The following KLK13 variants were observed in gnomAD, a reference collection of about 807,000 sequenced individuals.
KLK13 encodes kallikrein-13.
A neutral mutation model predicts 22.4 loss-of-function variants in KLK13; 19 were observed. The ratio of observed to expected loss-of-function variants is 0.85; its 90% CI spans 0.59 to 1.24. The LOEUF (loss-of-function observed/expected upper bound fraction) is 1.24, where lower values mean the gene tolerates loss of function less well. Among genes scored for constraint, KLK13 ranks in the 50% most tolerant of loss-of-function variants. The pLI is 0.00. For missense variants in KLK13, 311 were observed against 347.9 expected (o/e 0.89, Z 0.84); for synonymous variants, 156 against 141.8 (o/e 1.10, Z -0.71).
At chr19:51,064,487 C>CA (rs35554667) in intron 1 of KLK13, 14,260 of 156,770 alleles carry the variant, frequency 0.091, 626 homozygotes, top group African/African-American at 0.23. Context: ...GGTTCCATCT[C>CA]AAAAAAAAAA....
chr19:51,058,023 T>C (rs559963333), intron 4 of KLK13, among the ~76,000 whole-genome samples: 1 of 152,298 alleles, frequency 6.6e-6, no homozygotes, highest in Middle Eastern at 3.4e-3. Flanking sequence ...AAAGAGAGGT[T>C]CTCTTTCTAA....
chr19:51,064,986 C>T (rs2091768338), intron 1 of KLK13, 30 bp downstream of exon 1: 2 of 1,546,410 alleles, frequency 1.3e-6, no homozygotes, highest in African/African-American at 1.4e-5. Flanking sequence ...CCCGAATGGC[C>T]GCCGCGCCTC....
intron 2 of KLK13, 25 bp downstream of exon 2, chr19:51,060,408 C>T (rs377523718): frequency 1.9e-6 from 3 of 1,549,016 alleles, no homozygotes; most frequent in African/African-American, 1.4e-5. Context: ...CATCCCTACC[C>T]CATGCTCCCC....
At chr19:51,058,804 G>A in intron 3 of KLK13, 130 bp from the exon 4 acceptor site, 1 of 889,340 alleles carries the variant, frequency 1.1e-6, no homozygotes. Context: ...TGGGAGAAGA[G>A]ATGAGCACCT....
At chr19:51,060,192 C>G in intron 2 of KLK13, 99 bp from the exon 3 acceptor site, 1 of 1,427,944 alleles carries the variant, frequency 7.0e-7, no homozygotes. Flanking sequence ...AACTTCTTCT[C>G]CATCCTACCT....
upstream of KLK13, among the ~76,000 whole-genome samples, chr19:51,065,585 T>C (rs1314451919): frequency 6.6e-6 from 1 of 151,350 alleles, no homozygotes; most frequent in African/African-American, 2.4e-5. Context: ...TCCCCTCTTC[T>C]CTCCCCTCCC....
At chr19:51,058,425 C>T in intron 4 of KLK13, 113 bp downstream of exon 4, 1 of 1,267,796 alleles carries the variant, frequency 7.9e-7, no homozygotes. Context: ...GACATTGTAT[C>T]TTATAAAGAT....
At position 51,061,813 on chromosome 19, in the gene KLK13, C is replaced by A. The variant is rs567002521; in HGVS notation, c.53-1194G>T. Among the ~76,000 whole-genome samples, 4 of 152,362 alleles carry A rather than the reference C, an allele frequency of 2.6e-5. No homozygotes were observed. The South Asian group carries it at 8.3e-4, about 32-fold the overall frequency. On this transcript the variant is annotated intron_variant, in intron 1 of 4. Coordinates refer to ENST00000595793, the MANE Select transcript of KLK13 (RefSeq NM_015596.3). Reference sequence around the variant, plus strand: ...ATCCAAAAAGCCTTCCCAAGGTGTGCAGGACTCTGTGCTGTCTGGCCCTTG... The same window carrying A: ...ATCCAAAAAGCCTTCCCAAGGTGTGAAGGACTCTGTGCTGTCTGGCCCTTG...
upstream of KLK13, chr19:51,065,159 G>T: frequency 1.1e-6 from 1 of 869,718 alleles, no homozygotes; most frequent in Non-Finnish European, 1.8e-6. Flanking sequence ...CTCCGCGTCT[G>T]AAACCTCTCT....
intron 1 of KLK13, among the ~76,000 whole-genome samples, chr19:51,062,535 C>T (rs770305977): frequency 1.3e-5 from 2 of 152,184 alleles, no homozygotes; most frequent in Non-Finnish European, 2.9e-5. Flanking sequence ...AACACAGCGC[C>T]TGGCACACAA....
At chr19:51,064,017 A>G (rs145176427) in intron 1 of KLK13, among the ~76,000 whole-genome samples, 130 of 152,338 alleles carry the variant, frequency 8.5e-4, no homozygotes, top group African/African-American at 3.0e-3. Context: ...TGTTTGTTGA[A>G]TGAATAAATG....
rs111509606 is a variant in KLK13, at chr19:51,058,619, C to T, written c.564G>A (p.Glu188=). The T allele has an allele frequency of 2.9e-5, 47 of 1,614,134 alleles. 1 individual carries two copies. Among genetic ancestry groups the T allele is most frequent in the African/African-American group, 2.8e-4 (21 of 75,012 alleles). Residue 188 remains glutamate (E), a synonymous_variant, in exon 4 of 5, where the codon GAG becomes GAA. Coordinates refer to ENST00000595793, the MANE Select transcript of KLK13 (RefSeq NM_015596.3). ...TCTTTCCTGGGTAGACTTGACGACA[C>T]TCCTCATCTGAGCGAAGTTGGATGT... ...CANIQLRSDE[E]CRQVYPGKIT...
In KLK13 at chr19:51,056,761, G is replaced by A. The variant is rs1413128873; in HGVS notation, c.660C>T (p.Gly220=). 1.2e-6 allele frequency: 2 copies of A among 1,613,248 alleles called. No homozygotes were observed. The highest frequency in any genetic ancestry group is 1.7e-6 in the Non-Finnish European group (2 of 1,179,646). The change falls in exon 5 of 5, where the codon GGC becomes GGT. Residue 220 remains glycine (G), a synonymous_variant. Transcript: ENST00000595793. The part of the protein sequence containing the change: ...GKDSCEGDSG[G]PLVCNRTLYG... ...ACAGTGTTCTGTTACAGACCAGGGG[G>A]CCCCCAGAGTCACCCTGAGTTGGGG... is the stretch of plus-strand genomic sequence containing the variant.
chr19:51,056,485 C>T lies in KLK13; in HGVS notation c.*102G>A, dbSNP rs1191903444. 4.1e-6 allele frequency: 5 copies of T among 1,210,102 alleles called. No homozygotes were observed. Among genetic ancestry groups the T allele is most frequent in the Non-Finnish European group, 6.0e-6 (5 of 839,730 alleles). The allele number at this position is 1,210,102 out of a possible 1,614,324, so 75.0% of individuals were successfully genotyped here. On this transcript the variant is annotated 3_prime_UTR_variant, in exon 5 of 5. Transcript: ENST00000595793. ...TGAGCATTTTTCAGGACATGGATCACTGGTTCAAATGGAACACTGGGAATA... is the reference window on the plus strand; with the variant it reads ...TGAGCATTTTTCAGGACATGGATCATTGGTTCAAATGGAACACTGGGAATA...
chr19:51,059,807 A>G lies in KLK13; in HGVS notation c.508+18T>C. ...AGCCACTCCTATGGGGCCTCAGGCC[A>G]CCTGTGTGGGTGCATACCCTGGGGG... On this transcript the variant is annotated intron_variant, in intron 3 of 4. Coordinates refer to ENST00000595793, the MANE Select transcript of KLK13 (RefSeq NM_015596.3). The G allele has an allele frequency of 6.4e-7, 1 of 1,566,884 alleles. No individual in the cohort carries two copies. The highest frequency in any genetic ancestry group is 8.7e-7 in the Non-Finnish European group (1 of 1,155,764).
chr19:51,056,884 GAGA>G (rs773766871), intron 4 of KLK13, 109 bp from the exon 5 acceptor site: 13 of 787,716 alleles, frequency 1.7e-5, no homozygotes, highest in Non-Finnish European at 2.7e-5. Flanking sequence ...GACACACACA[GAGA>G]AGGAGACTCA....
At position 51,056,453 on chromosome 19, in the gene KLK13, C is replaced by G. The variant is rs573103979; in HGVS notation, c.*134G>C. The G allele has an allele frequency of 7.9e-4, 732 of 927,308 alleles. 2 individuals are homozygous for G. In the African/African-American group the frequency reaches 0.011, roughly 14 times the overall value. The allele number at this position is 927,308 out of a possible 1,614,324, so 57.4% of individuals were successfully genotyped here. ...ATGCTTCTGAAACATGGAATGTTAGCTGAGATTGAGCATTTTTCAGGACAT... is the reference window on the plus strand; with the variant it reads ...ATGCTTCTGAAACATGGAATGTTAGGTGAGATTGAGCATTTTTCAGGACAT... On this transcript the variant is annotated 3_prime_UTR_variant, in exon 5 of 5. Transcript: ENST00000595793.
Position 51,058,529 on chromosome 19 carries a change from C to A in KLK13, c.645+9G>T. ...CTGTCCAAGGCACCCACCAGCCTCCCGGCCTCACCTCACAGGAGTCTTTGC... is the reference window on the plus strand; with the variant it reads ...CTGTCCAAGGCACCCACCAGCCTCCAGGCCTCACCTCACAGGAGTCTTTGC... On this transcript the variant is annotated intron_variant, in intron 4 of 4. Coordinates refer to ENST00000595793, the MANE Select transcript of KLK13 (RefSeq NM_015596.3). 2 of 1,614,088 alleles carry A rather than the reference C, an allele frequency of 1.2e-6. No individual in the cohort carries two copies. Among genetic ancestry groups the A allele is most frequent in the Non-Finnish European group, 1.7e-6 (2 of 1,180,002 alleles).
chr19:51,059,622 T>C (rs142451985), intron 3 of KLK13: 12 of 293,366 alleles, frequency 4.1e-5, no homozygotes, highest in African/African-American at 2.4e-4. Context: ...TTCTATATAT[T>C]CATGAATTTA....
Sources: allele counts gnomAD v4.1 joint callset (sites outside exome capture counted in the v4.1 genomes callset), GRCh38; gene constraint gnomAD v4.1.1; transcripts MANE v1.5; gene names NCBI Gene and HGNC (gene_info 2026-07-23, HGNC 2026-07-21).